The following CDH18 variants were observed in gnomAD, a reference collection of about 807,000 sequenced individuals.
CDH18 encodes cadherin-18.
CDH18 carries 31 observed loss-of-function variants against 67.9 expected under a neutral mutation model. The observed-to-expected ratio is 0.46, with a 90% CI of 0.34 to 0.62. CDH18 has a LOEUF of 0.62. Among genes scored for constraint, CDH18 ranks in the 20% least tolerant of loss-of-function variants. The pLI is 0.01. For missense variants in CDH18, 890 were observed against 975.5 expected, an observed-to-expected ratio of 0.91 and a Z score of 1.17; for synonymous variants, 362 against 347.2, an observed-to-expected ratio of 1.04 and a Z score of -0.48.
At chr5:19,584,590 T>C (rs965223098) in intron 7 of CDH18, among the ~76,000 whole-genome samples, 2 of 151,256 alleles carry the variant, frequency 1.3e-5, no homozygotes, top group Non-Finnish European at 2.9e-5. Context: ...ATCAGAAGTA[T>C]CAAAAAATTA....
chr5:20,388,723 TG>T (rs1463640228), intron 1 of CDH18, among the ~76,000 whole-genome samples: 3 of 152,196 alleles, frequency 2.0e-5, no homozygotes, highest in Non-Finnish European at 4.4e-5. Flanking sequence ...TAAATTTCCC[TG>T]TACACACTGA....
chr5:19,837,407 A>AT (rs199614301), intron 3 of CDH18, among the ~76,000 whole-genome samples: 21 of 151,834 alleles, frequency 1.4e-4, no homozygotes, highest in African/African-American at 2.4e-4. Context: ...TAAAGGTATA[A>AT]TTTTTTTAAA....
intron 2 of CDH18, among the ~76,000 whole-genome samples, chr5:20,238,785 T>C (rs1255405480): frequency 6.6e-6 from 1 of 152,174 alleles, no homozygotes; most frequent in African/African-American, 2.4e-5. Context: ...AATCCAAATG[T>C]CTCTTGATAG....
intron 2 of CDH18, among the ~76,000 whole-genome samples, chr5:19,920,652 T>C (rs1792335302): frequency 6.6e-6 from 1 of 151,778 alleles, no homozygotes; most frequent in Non-Finnish European, 1.5e-5. Flanking sequence ...TAGCTGGGAT[T>C]ACAGATGCCC....
At chr5:20,313,920 C>G (rs1386669229) in intron 1 of CDH18, among the ~76,000 whole-genome samples, 1 of 151,986 alleles carries the variant, frequency 6.6e-6, no homozygotes, top group Non-Finnish European at 1.5e-5. Flanking sequence ...ATGTACATTG[C>G]TGCCAAAATA....
chr5:19,617,259 T>G (rs1749986795), intron 5 of CDH18, among the ~76,000 whole-genome samples: 1 of 152,204 alleles, frequency 6.6e-6, no homozygotes, highest in Non-Finnish European at 1.5e-5. Context: ...GATGTGCATT[T>G]TTCTCAATTG....
At chr5:20,508,015 GA>G (rs1326766708) in intron 1 of CDH18, among the ~76,000 whole-genome samples, 6 of 151,972 alleles carry the variant, frequency 3.9e-5, no homozygotes, top group African/African-American at 1.4e-4. Flanking sequence ...ATTTATCAAG[GA>G]AGAAAGTTAT....
At chr5:19,505,989 T>A (rs1244019894) in intron 10 of CDH18, among the ~76,000 whole-genome samples, 1 of 152,194 alleles carries the variant, frequency 6.6e-6, no homozygotes. Flanking sequence ...ATTGCCTCAA[T>A]TCCAGAGCCT....
intron 3 of CDH18, among the ~76,000 whole-genome samples, chr5:19,779,495 G>A (rs188061304): frequency 6.8e-4 from 103 of 152,202 alleles, no homozygotes; most frequent in African/African-American, 2.3e-3. Context: ...TGTTACCAAG[G>A]CAGATCTGCT....
chr5:20,341,612 T>C (rs1052899207), intron 1 of CDH18, among the ~76,000 whole-genome samples: 1 of 152,172 alleles, frequency 6.6e-6, no homozygotes, highest in Admixed American at 6.5e-5. Context: ...ATTAGTTCTG[T>C]CCCTCTAGAG....
chr5:20,022,247 A>T (rs765615589), intron 2 of CDH18, among the ~76,000 whole-genome samples: 3 of 152,208 alleles, frequency 2.0e-5, no homozygotes, highest in Non-Finnish European at 2.9e-5. Flanking sequence ...TAATACAGGT[A>T]CTTCGTGGTC....
At chr5:20,214,392 C>T (rs988118804) in intron 2 of CDH18, among the ~76,000 whole-genome samples, 2 of 151,928 alleles carry the variant, frequency 1.3e-5, no homozygotes, top group African/African-American at 2.4e-5. Context: ...GGCAGTCCTA[C>T]GCAAAGACAA....
chr5:20,241,094 TAC>T (rs1208862801), intron 2 of CDH18, among the ~76,000 whole-genome samples: 1 of 152,222 alleles, frequency 6.6e-6, no homozygotes, highest in Non-Finnish European at 1.5e-5. Context: ...ACATTGTATT[TAC>T]AGTCTTCCTC....
In CDH18 at chr5:19,908,365, G is replaced by A. The variant is rs571601399; in HGVS notation, c.-256-69123C>T. 3.8e-4 allele frequency among the ~76,000 whole-genome samples: 58 copies of A among 152,148 alleles called. 2 individuals are homozygous for A. The South Asian group carries it at 0.011, about 29-fold the overall frequency. ...TTAACTAAAAATGTTTTTATTATGT[G>A]AGCATCTCCCATAATCTTAAATTAA... On this transcript the variant is annotated intron_variant, in intron 2 of 12. Coordinates refer to ENST00000382275, the MANE Select transcript of CDH18 (RefSeq NM_004934.5).
chr5:20,380,766 C>G (rs1743842692), intron 1 of CDH18, among the ~76,000 whole-genome samples: 1 of 151,906 alleles, frequency 6.6e-6, no homozygotes, highest in Admixed American at 6.6e-5. Flanking sequence ...GGCTTTTAAA[C>G]AAAATTAAAA....
chr5:20,133,913 T>C (rs1749480961), intron 2 of CDH18, among the ~76,000 whole-genome samples: 1 of 152,196 alleles, frequency 6.6e-6, no homozygotes, highest in Non-Finnish European at 1.5e-5. Context: ...TCTCTCTTAC[T>C]TCTCCATCTG....
At chr5:19,518,629 A>G (rs1291651223) in intron 10 of CDH18, among the ~76,000 whole-genome samples, 3 of 152,120 alleles carry the variant, frequency 2.0e-5, no homozygotes, top group Non-Finnish European at 4.4e-5. Context: ...GACCTTGAAC[A>G]TCAGACTCCA....
rs558376413 is a variant in CDH18 at position 19,840,125 on chromosome 5, G to A, written c.-256-883C>T. Among the ~76,000 whole-genome samples, 8 of 150,126 alleles carry A rather than the reference G, an allele frequency of 5.3e-5. No homozygotes were observed. In the East Asian group the frequency reaches 7.9e-4, roughly 15 times the overall value. On this transcript the variant is annotated intron_variant, in intron 2 of 12. Coordinates refer to ENST00000382275, the MANE Select transcript of CDH18 (RefSeq NM_004934.5). ...AAAAAAATAAAAAAAAAAATGAGCC[G>A]GGCTTGGTGGCGGTCACCTGTAGTC...
At chr5:20,057,516 T>C (rs1742100398) in intron 2 of CDH18, among the ~76,000 whole-genome samples, 1 of 152,226 alleles carries the variant, frequency 6.6e-6, no homozygotes, top group Non-Finnish European at 1.5e-5. Context: ...AATACATTCT[T>C]GACACTGTTC....
Sources: allele counts gnomAD v4.1 joint callset (sites outside exome capture counted in the v4.1 genomes callset), GRCh38; gene constraint gnomAD v4.1.1; transcripts MANE v1.5; gene names NCBI Gene and HGNC (gene_info 2026-07-23, HGNC 2026-07-21).